CDH13: variants seen among roughly 807,000 people sequenced by gnomAD.
CDH13 encodes cadherin 13.
A neutral mutation model predicts 63.8 loss-of-function variants in CDH13; 24 were observed. The observed-to-expected ratio is 0.38, with a 90% CI of 0.27 to 0.53. CDH13 has a LOEUF of 0.53. Ranked by LOEUF, CDH13 falls within the 20% of genes least tolerant of loss-of-function variation. The pLI, the probability that CDH13 is intolerant of heterozygous loss-of-function variation, is 0.85. For missense variants in CDH13, 1,049 were observed against 903.1 expected (o/e 1.16, Z -2.07); for synonymous variants, 503 against 355.3 (o/e 1.42, Z -4.67).
At chr16:82,800,832 G>A (rs186372893) in intron 1 of CDH13, among the ~76,000 whole-genome samples, 14 of 152,274 alleles carry the variant, frequency 9.2e-5, no homozygotes, top group African/African-American at 3.4e-4. Context: ...GTCATGTTGA[G>A]TTTGGTTATT....
At chr16:83,758,011 C>T (rs1314437029) in intron 11 of CDH13, among the ~76,000 whole-genome samples, 1 of 151,616 alleles carries the variant, frequency 6.6e-6, no homozygotes, top group Non-Finnish European at 1.5e-5. Context: ...CGCCTGTAAT[C>T]CCAGCTGCAC....
intron 3 of CDH13, among the ~76,000 whole-genome samples, chr16:83,104,287 C>G (rs532368630): frequency 6.6e-6 from 1 of 152,224 alleles, no homozygotes; most frequent in East Asian, 1.9e-4. Flanking sequence ...ACACAGTAAT[C>G]AATGACGTGG....
intron 5 of CDH13, among the ~76,000 whole-genome samples, chr16:83,246,323 C>G (rs893327957): frequency 6.6e-6 from 1 of 152,276 alleles, no homozygotes; most frequent in Non-Finnish European, 1.5e-5. Context: ...AATTTTCCCC[C>G]TGATTCAGGG....
chr16:83,219,080 C>G (rs1052450622), intron 5 of CDH13, among the ~76,000 whole-genome samples: 3 of 152,154 alleles, frequency 2.0e-5, no homozygotes, highest in Non-Finnish European at 2.9e-5. Flanking sequence ...TGAGAACGGA[C>G]TAATACAGCA....
chr16:82,931,577 C>G (rs1431383412), intron 2 of CDH13, among the ~76,000 whole-genome samples: 3 of 149,616 alleles, frequency 2.0e-5, no homozygotes, highest in African/African-American at 7.5e-5. Flanking sequence ...TGTTTTCATG[C>G]TGCTGATAAA....
chr16:83,368,621 C>G (rs1233329606), intron 6 of CDH13, among the ~76,000 whole-genome samples: 2 of 151,764 alleles, frequency 1.3e-5, no homozygotes, highest in African/African-American at 2.4e-5. Flanking sequence ...TACCCATCAC[C>G]CGAGCAGTGT....
chr16:83,392,318 G>A (rs976889131), intron 6 of CDH13, among the ~76,000 whole-genome samples: 20 of 152,106 alleles, frequency 1.3e-4, no homozygotes, highest in African/African-American at 4.8e-4. Context: ...CGTGCCTCAC[G>A]AGCTGTAAGT....
chr16:82,681,352 G>A (rs1013940702), intron 1 of CDH13, among the ~76,000 whole-genome samples: 49 of 152,182 alleles, frequency 3.2e-4, no homozygotes, highest in African/African-American at 1.2e-3. Context: ...GGAGGAGGAG[G>A]GAATGGGAAG....
chr16:83,090,446 C>G (rs768311489), intron 3 of CDH13, among the ~76,000 whole-genome samples: 1 of 151,862 alleles, frequency 6.6e-6, no homozygotes, highest in African/African-American at 2.4e-5. Context: ...TGGTGGTGCA[C>G]CCCTGTAATC....
At chr16:83,732,712 C>T (rs1911158223) in intron 10 of CDH13, among the ~76,000 whole-genome samples, 1 of 152,184 alleles carries the variant, frequency 6.6e-6, no homozygotes, top group Non-Finnish European at 1.5e-5. Context: ...GGATACATCT[C>T]ATCCCCCTTG....
chr16:83,474,814 C>G (rs752982182), intron 6 of CDH13, among the ~76,000 whole-genome samples: 8 of 152,170 alleles, frequency 5.3e-5, no homozygotes, highest in Non-Finnish European at 1.0e-4. Context: ...AAGGTCCAAG[C>G]CTAGAGCAGT....
intron 1 of CDH13, among the ~76,000 whole-genome samples, chr16:82,814,190 G>C (rs10871436): frequency 0.99 from 150,122 of 152,264 alleles, 74,041 homozygotes; most frequent in Middle Eastern, 1. Context: ...GTTCCTGGCA[G>C]ACAGCATCTA....
intron 2 of CDH13, among the ~76,000 whole-genome samples, chr16:82,900,995 A>C (rs2041447857): frequency 6.6e-6 from 1 of 152,156 alleles, no homozygotes; most frequent in South Asian, 2.1e-4. Context: ...CCAGAATGCC[A>C]AGGGAAGTTT....
At chr16:82,842,161 TATAC>T (rs199719992) in intron 1 of CDH13, among the ~76,000 whole-genome samples, 493 of 24,178 alleles carry the variant, frequency 0.02, 22 homozygotes, top group South Asian at 0.11. Flanking sequence ...TATATATATA[TATAC>T]ACACACACAC....
At chr16:83,177,999 G>T (rs892057229) in intron 4 of CDH13, among the ~76,000 whole-genome samples, 1 of 152,036 alleles carries the variant, frequency 6.6e-6, no homozygotes, top group Non-Finnish European at 1.5e-5. Flanking sequence ...GGTAGTAGAT[G>T]GGCAGGAATA....
At chr16:83,139,249 C>G (rs1476713687) in intron 4 of CDH13, among the ~76,000 whole-genome samples, 5 of 152,170 alleles carry the variant, frequency 3.3e-5, no homozygotes, top group Non-Finnish European at 7.3e-5. Context: ...GAGGGAACAC[C>G]AGCGTGTCAC....
chr16:83,616,876 C>T (rs1242453361), intron 8 of CDH13, among the ~76,000 whole-genome samples: 1 of 152,206 alleles, frequency 6.6e-6, no homozygotes, highest in Admixed American at 6.5e-5. Flanking sequence ...CACGGGAGCT[C>T]TGTTTACCCC....
In CDH13 at chr16:83,798,956, C is replaced by T. The variant is rs913664966; in HGVS notation, c.*3926C>T. On this transcript the variant is annotated 3_prime_UTR_variant, in exon 14 of 14. Coordinates refer to ENST00000567109, the MANE Select transcript of CDH13 (RefSeq NM_001257.5). ...AAGATAACGTAATTATTTGCCCCTT[C>T]CCTTCCATGGCTTGTTAGCAGGTAG... 6.6e-6 allele frequency: 1 copy of T among 152,080 alleles called. No individual in the cohort carries two copies. Among genetic ancestry groups the T allele is most frequent in the Non-Finnish European group, 1.5e-5 (1 of 68,020 alleles). 9.4% of individuals were successfully genotyped at this position (152,080 alleles called of 1,614,324 possible). A position where few individuals can be genotyped will look rare whatever the true frequency, so the allele number is the denominator to read the frequency against.
At chr16:83,178,553 G>C (rs979774901) in intron 4 of CDH13, among the ~76,000 whole-genome samples, 3 of 152,188 alleles carry the variant, frequency 2.0e-5, no homozygotes, top group African/African-American at 7.2e-5. Context: ...ATTTGGATCA[G>C]TGGGCCATTA....
Sources: gnomAD v4.1 joint callset for allele counts (sites outside exome capture counted in the v4.1 genomes callset) on GRCh38, gnomAD v4.1.1 for gene constraint, MANE v1.5 for transcripts, NCBI Gene and HGNC (gene_info 2026-07-23, HGNC 2026-07-21) for gene names.